The following SLC35F4 variants were observed in gnomAD, a reference collection of about 807,000 sequenced individuals.
SLC35F4 encodes solute carrier family 35 member F4.
A neutral mutation model predicts 44.2 loss-of-function variants in SLC35F4; 24 were observed. The ratio of observed to expected loss-of-function variants is 0.54; its 90% CI spans 0.39 to 0.76. The LOEUF (loss-of-function observed/expected upper bound fraction) is 0.76. Ranked by LOEUF, SLC35F4 falls within the 30% of genes least tolerant of loss-of-function variation. The pLI, the probability that SLC35F4 is intolerant of heterozygous loss-of-function variation, is 0.00. For missense variants in SLC35F4, 562 were observed against 586.1 expected, an observed-to-expected ratio of 0.96 and a Z score of 0.42; for synonymous variants, 238 against 223.6, an observed-to-expected ratio of 1.06 and a Z score of -0.57.
chr14:57,795,974 T>TCA (rs1268649387), intron 1 of SLC35F4, among the ~76,000 whole-genome samples: 1 of 152,182 alleles, frequency 6.6e-6, no homozygotes, highest in Non-Finnish European at 1.5e-5. Flanking sequence ...CAAGTAGGCC[T>TCA]CAGTGTCACT....
At chr14:57,950,950 C>A (rs1193552320) in intron 1 of SLC35F4, among the ~76,000 whole-genome samples, 2 of 152,092 alleles carry the variant, frequency 1.3e-5, no homozygotes, top group Non-Finnish European at 2.9e-5. Flanking sequence ...CAGGCACGAG[C>A]CACCACGCCC....
chr14:57,733,283 C>T (rs901085489), intron 1 of SLC35F4, among the ~76,000 whole-genome samples: 1 of 142,518 alleles, frequency 7.0e-6, no homozygotes, highest in African/African-American at 3.0e-5. Context: ...TGGATTTTTT[C>T]CTTTTATCTC....
intron 1 of SLC35F4, among the ~76,000 whole-genome samples, chr14:57,683,727 G>A (rs544250719): frequency 1.1e-4 from 17 of 152,156 alleles, no homozygotes; most frequent in African/African-American, 3.4e-4. Context: ...GTTAAAAAAC[G>A]TCAGCCTAAA....
intron 1 of SLC35F4, among the ~76,000 whole-genome samples, chr14:57,688,790 C>T (rs1301893263): frequency 6.6e-6 from 1 of 152,122 alleles, no homozygotes; most frequent in Non-Finnish European, 1.5e-5. Flanking sequence ...CCTTAAGTGA[C>T]AAATGCTTGA....
At chr14:57,860,870 C>CT (rs1435393701) in intron 1 of SLC35F4, among the ~76,000 whole-genome samples, 1 of 152,122 alleles carries the variant, frequency 6.6e-6, no homozygotes, top group Non-Finnish European at 1.5e-5. Flanking sequence ...CTCTTCTCTG[C>CT]TTACCAGGTT....
chr14:57,673,814 A>G (rs577340732), intron 1 of SLC35F4, among the ~76,000 whole-genome samples: 1 of 152,210 alleles, frequency 6.6e-6, no homozygotes, highest in African/African-American at 2.4e-5. Flanking sequence ...AAAATTGATA[A>G]TTAGATTTCA....
At chr14:57,582,318 C>A (rs1322553740) in intron 3 of SLC35F4, among the ~76,000 whole-genome samples, 1 of 152,130 alleles carries the variant, frequency 6.6e-6, no homozygotes, top group Non-Finnish European at 1.5e-5. Context: ...ACCTCAGCCT[C>A]CTGAGTAGCT....
intron 1 of SLC35F4, among the ~76,000 whole-genome samples, chr14:57,692,518 A>C (rs1163511541): frequency 6.6e-6 from 1 of 152,130 alleles, no homozygotes; most frequent in African/African-American, 2.4e-5. Flanking sequence ...AATCTGACGA[A>C]GTTCCCTGCT....
chr14:57,694,643 C>T (rs368609149), intron 1 of SLC35F4, among the ~76,000 whole-genome samples: 128 of 152,244 alleles, frequency 8.4e-4, no homozygotes, highest in African/African-American at 3.0e-3. Context: ...GACATCTCCA[C>T]ACTACTGAAT....
At chr14:57,677,842 G>A (rs1344227901) in intron 1 of SLC35F4, among the ~76,000 whole-genome samples, 2 of 151,796 alleles carry the variant, frequency 1.3e-5, no homozygotes, top group Admixed American at 6.6e-5. Context: ...AATGGGCAAG[G>A]GTCATGAACA....
At chr14:57,604,636 C>G (rs2071041079) in intron 1 of SLC35F4, among the ~76,000 whole-genome samples, 1 of 152,058 alleles carries the variant, frequency 6.6e-6, no homozygotes, top group African/African-American at 2.4e-5. Context: ...AAAAAAGAGC[C>G]CAAATAGCTA....
At chr14:57,902,306 G>A (rs1050823698) in intron 1 of SLC35F4, among the ~76,000 whole-genome samples, 1 of 152,168 alleles carries the variant, frequency 6.6e-6, no homozygotes, top group Admixed American at 6.5e-5. Flanking sequence ...GCTCACGCCT[G>A]TAATCCCAGC....
At chr14:57,680,988 T>C (rs180906876) in intron 1 of SLC35F4, among the ~76,000 whole-genome samples, 4 of 152,164 alleles carry the variant, frequency 2.6e-5, no homozygotes, top group East Asian at 1.9e-4. Flanking sequence ...CAAGCTACCA[T>C]TGACTTTCTG....
At position 57,580,247 on chromosome 14, in the gene SLC35F4, TC is replaced by T. The variant is rs2069150262; in HGVS notation, c.807+966del. Among the ~76,000 whole-genome samples the T allele has an allele frequency of 2.6e-5, 4 of 152,192 alleles. No individual in the cohort carries two copies. In the South Asian group the frequency reaches 8.3e-4, roughly 32 times the overall value. On this transcript the variant is annotated intron_variant, in intron 4 of 7. Transcript: ENST00000556826. ...GAAAATCTTTCAGGGTTAATGACCATCATAAACCCTCTCTCTAACATAGACA... is the reference window on the plus strand; with the variant it reads ...GAAAATCTTTCAGGGTTAATGACCATATAAACCCTCTCTCTAACATAGACA...
intron 1 of SLC35F4, among the ~76,000 whole-genome samples, chr14:57,681,634 A>T (rs2074906407): frequency 6.6e-6 from 1 of 152,154 alleles, no homozygotes; most frequent in South Asian, 2.1e-4. Flanking sequence ...AATGGCAACA[A>T]AAGCCAAAAT....
intron 1 of SLC35F4, among the ~76,000 whole-genome samples, chr14:57,647,170 A>G (rs59333880): frequency 0.28 from 41,688 of 147,522 alleles, 5,998 homozygotes; most frequent in East Asian, 0.46. Context: ...CAATTCCTGG[A>G]TATCCTTGTT....
At position 57,593,959 on chromosome 14, in the gene SLC35F4, A is replaced by C. The variant is rs770226142; in HGVS notation, c.269T>G (p.Val90Gly). ...QGSSGVCGHR[V>G]ERQNRSADDG... ...CATACCTGATCTGTTCTGTCTCTCA[A>C]CTCTGTGTCCACAAACTCCTGAGGA... Residue 90 changes from valine (V) to glycine (G), a missense_variant, in exon 2 of 8, where the codon GTT (valine) becomes GGT (glycine). Transcript: ENST00000556826. The C allele has an allele frequency of 9.9e-6, 16 of 1,613,766 alleles. No homozygotes were observed. The highest frequency in any genetic ancestry group is 1.7e-6 in the Non-Finnish European group (2 of 1,179,836).
chr14:57,643,831 T>C (rs1468221375), intron 1 of SLC35F4, among the ~76,000 whole-genome samples: 2 of 152,006 alleles, frequency 1.3e-5, no homozygotes, highest in Non-Finnish European at 2.9e-5. Context: ...TGTGTTCTCA[T>C]TGTTCAATTC....
At chr14:57,802,461 A>G (rs1243630646) in intron 1 of SLC35F4, among the ~76,000 whole-genome samples, 2 of 152,090 alleles carry the variant, frequency 1.3e-5, no homozygotes, top group African/African-American at 4.8e-5. Flanking sequence ...AGAAATAACC[A>G]AGATCAGAGC....
Sources: gnomAD v4.1 joint callset for allele counts (sites outside exome capture counted in the v4.1 genomes callset) on GRCh38, gnomAD v4.1.1 for gene constraint, MANE v1.5 for transcripts, NCBI Gene and HGNC (gene_info 2026-07-23, HGNC 2026-07-21) for gene names.